Variants in CFAP54 observed in about 807,000 individuals in gnomAD.
The protein encoded by CFAP54 is cilia and flagella associated protein 54.
CFAP54 carries 290 observed loss-of-function variants against 370.4 expected under a neutral mutation model. The ratio of observed to expected loss-of-function variants is 0.78; its 90% CI spans 0.71 to 0.86. The LOEUF (loss-of-function observed/expected upper bound fraction) is 0.86, where lower values mean the gene tolerates loss of function less well. Among genes scored for constraint, CFAP54 ranks in the 40% least tolerant of loss-of-function variants. CFAP54 has a pLI of 0.00. For synonymous variants in CFAP54, 1,206 were observed against 1,236.5 expected, an observed-to-expected ratio of 0.98 and a Z score of 0.52; for missense variants, 3,399 against 3,528.7, an observed-to-expected ratio of 0.96 and a Z score of 0.93.
At chr12:96,765,025 C>G in intron 59 of CFAP54, 52 bp from the exon 60 acceptor site, 1 of 1,265,158 alleles carries the variant, frequency 7.9e-7, no homozygotes. Context: ...AATAGATAAT[C>G]TATGAATTAG....
Position 96,691,304 on chromosome 12 carries a change from C to T in CFAP54, c.6258C>T (p.Asn2086=). The T allele has an allele frequency of 1.3e-6, 2 of 1,574,476 alleles. No individual in the cohort carries two copies. Among genetic ancestry groups the T allele is most frequent in the Non-Finnish European group, 1.7e-6 (2 of 1,164,050 alleles). ...IIRELHFVRQ[N]LIVLPLLALY... is the part of the protein sequence containing the mutation. ...GTGAACTGCACTTTGTTAGGCAAAA[C>T]CTAATAGTAAGTAATTTGTAAAATA... is the stretch of plus-strand genomic sequence containing the variant. The change falls in exon 44 of 68, where the codon AAC becomes AAT. Residue 2086 remains asparagine, a synonymous_variant. Transcript: ENST00000524981.
chr12:96,716,337 G>A (rs1957678465), intron 48 of CFAP54, among the ~76,000 whole-genome samples: 1 of 152,170 alleles, frequency 6.6e-6, no homozygotes, highest in Non-Finnish European at 1.5e-5. Flanking sequence ...GGATTTTGCT[G>A]GAAGCACATC....
intron 11 of CFAP54, 37 bp from the exon 12 acceptor site, chr12:96,535,477 AT>A (rs747131477): frequency 4.6e-5 from 62 of 1,343,480 alleles, no homozygotes; most frequent in Non-Finnish European, 6.3e-5. Context: ...TTTGTAAGTG[AT>A]TTTTTTGTTT....
chr12:96,784,616 A>G, intron 60 of CFAP54, 101 bp from the exon 61 acceptor site: 1 of 868,244 alleles, frequency 1.2e-6, no homozygotes, highest in Non-Finnish European at 1.6e-6. Flanking sequence ...ATCATGTGTC[A>G]GCATTTCCTT....
At chr12:96,576,518 ATT>A in intron 19 of CFAP54, 65 bp from the exon 20 acceptor site, 1 of 1,200,824 alleles carries the variant, frequency 8.3e-7, no homozygotes, top group Non-Finnish European at 1.1e-6. Flanking sequence ...CATCACTAGA[ATT>A]CTATAAACGT....
intron 60 of CFAP54, among the ~76,000 whole-genome samples, chr12:96,779,945 T>C (rs575952500): frequency 6.5e-4 from 99 of 152,202 alleles, no homozygotes; most frequent in Middle Eastern, 3.4e-3. Context: ...ACAAAAGAGA[T>C]TGAACACTAT....
At chr12:96,523,494 T>G (rs1955342386) in intron 8 of CFAP54, among the ~76,000 whole-genome samples, 2 of 152,226 alleles carry the variant, frequency 1.3e-5, no homozygotes, top group Non-Finnish European at 2.9e-5. Context: ...CCATTGCTAC[T>G]TAGTGACAAT....
intron 45 of CFAP54, among the ~76,000 whole-genome samples, chr12:96,696,618 T>G (rs1011481003): frequency 6.6e-6 from 1 of 152,060 alleles, no homozygotes; most frequent in Non-Finnish European, 1.5e-5. Context: ...ATATAGAATC[T>G]TATTATTTTC....
intron 38 of CFAP54, 100 bp from the exon 39 acceptor site, chr12:96,663,730 T>C (rs2136521484): frequency 1.2e-6 from 1 of 806,500 alleles, no homozygotes; most frequent in East Asian, 2.7e-5. Context: ...TATGTATCTC[T>C]TTATTCTGAT....
chr12:96,540,665 T>C (rs1484168250), intron 13 of CFAP54, among the ~76,000 whole-genome samples, 172 bp from the exon 14 acceptor site: 2 of 152,222 alleles, frequency 1.3e-5, no homozygotes, highest in South Asian at 2.1e-4. Flanking sequence ...AAAAGGATTA[T>C]TGAGTTTTAT....
intron 26 of CFAP54, among the ~76,000 whole-genome samples, chr12:96,620,599 C>T (rs1956476350): frequency 6.6e-6 from 1 of 152,230 alleles, no homozygotes; most frequent in Non-Finnish European, 1.5e-5. Context: ...ATACACTTGT[C>T]TTAAATACTA....
At chr12:96,642,993 C>A (rs918376909) in intron 32 of CFAP54, among the ~76,000 whole-genome samples, 14 of 152,196 alleles carry the variant, frequency 9.2e-5, no homozygotes, top group Admixed American at 7.2e-4. Context: ...TGTCGCTGAT[C>A]TCCCTGAACT....
At chr12:96,704,452 G>GTATATA (rs71068825) in intron 46 of CFAP54, among the ~76,000 whole-genome samples, 74 of 61,280 alleles carry the variant, frequency 1.2e-3, no homozygotes, top group Non-Finnish European at 1.6e-3. Context: ...ATGTATGTGT[G>GTATATA]TATATATATA....
At chr12:96,684,100 G>A (rs1269719328) in intron 40 of CFAP54, among the ~76,000 whole-genome samples, 1 of 152,090 alleles carries the variant, frequency 6.6e-6, no homozygotes, top group African/African-American at 2.4e-5. Flanking sequence ...CCAATTATGT[G>A]ATATTAAAGA....
intron 60 of CFAP54, among the ~76,000 whole-genome samples, chr12:96,781,328 G>C (rs1958578522): frequency 6.6e-6 from 1 of 152,110 alleles, no homozygotes; most frequent in Non-Finnish European, 1.5e-5. Context: ...AAGCGAATTG[G>C]AATATGGCCT....
At chr12:96,527,549 G>GTTTT in intron 9 of CFAP54, 105 bp downstream of exon 9, 2 of 429,600 alleles carry the variant, frequency 4.7e-6, no homozygotes, top group South Asian at 6.1e-5. Flanking sequence ...CATTTATATT[G>GTTTT]TTTTTTTTTT....
At chr12:96,664,989 T>C (rs1318394410) in intron 39 of CFAP54, among the ~76,000 whole-genome samples, 2 of 151,726 alleles carry the variant, frequency 1.3e-5, no homozygotes, top group Non-Finnish European at 2.9e-5. Context: ...GTTGTTTTTT[T>C]ACTTTTTACT....
At chr12:96,561,485 C>T (rs1955815789) in intron 17 of CFAP54, among the ~76,000 whole-genome samples, 1 of 151,940 alleles carries the variant, frequency 6.6e-6, no homozygotes, top group Non-Finnish European at 1.5e-5. Context: ...CTAATACAGC[C>T]CCCATTATTC....
chr12:96,643,736 C>CATTTA (rs1465199355), intron 32 of CFAP54, among the ~76,000 whole-genome samples: 2 of 151,906 alleles, frequency 1.3e-5, no homozygotes, highest in Non-Finnish European at 2.9e-5. Context: ...GTTTTATTTC[C>CATTTA]TCTAGAGTCT....
Sources: allele counts gnomAD v4.1 joint callset (sites outside exome capture counted in the v4.1 genomes callset), GRCh38; gene constraint gnomAD v4.1.1; transcripts MANE v1.5; gene names NCBI Gene and HGNC (gene_info 2026-07-23, HGNC 2026-07-21).